Variants in DSCAML1 observed in about 807,000 individuals in gnomAD.
DSCAML1 encodes the protein cell adhesion molecule DSCAML1.
In DSCAML1, 38 loss-of-function variants were observed where a neutral mutation model predicts 200.5. The ratio of observed to expected loss-of-function variants is 0.19; its 90% CI spans 0.15 to 0.25. The LOEUF (loss-of-function observed/expected upper bound fraction) is 0.25, where lower values mean the gene tolerates loss of function less well. Among genes scored for constraint, DSCAML1 ranks in the 10% least tolerant of loss-of-function variants. The pLI, the probability that DSCAML1 is intolerant of heterozygous loss-of-function variation, is 1.00. For missense variants in DSCAML1, 2,223 were observed against 2,858.8 expected (o/e 0.78, Z 5.07); for synonymous variants, 1,215 against 1,165.0 (o/e 1.04, Z -0.87).
In DSCAML1 at chr11:117,450,674, C is replaced by G; in HGVS notation, c.3583G>C (p.Ala1195Pro). ...QTKEDVPGPP[A>P]GIKAVPSSAS... is the part of the protein sequence containing the mutation. ...GATGAAGGGACAGCTTTGATGCCAG[C>G]AGGGGGACCTGGAACTGAGCAGGGA... The change falls in exon 20 of 33, where the codon GCT becomes CCT. Residue 1195 changes from alanine (A) to proline (P), a missense_variant. Around this residue, in one of 7 missense-constraint regions of DSCAML1, gnomAD observed 438 missense variants for 629.7 expected, o/e 0.70. Transcript: ENST00000651296. 1 of 1,613,978 alleles carries G rather than the reference C, an allele frequency of 6.2e-7. No individual in the cohort carries two copies. Among genetic ancestry groups the G allele is most frequent in the Non-Finnish European group, 8.5e-7 (1 of 1,179,960 alleles).
chr11:117,512,643 T>TGTACACACACACAC lies in DSCAML1; in HGVS notation c.1783+3823_1783+3824insGTGTGTGTGTGTAC, dbSNP rs1555179270. ...GGGAAGGTGTGCATGCAAGCGTGTGTACACACACACACACACACACACACA... is the reference window on the plus strand; with the variant it reads ...GGGAAGGTGTGCATGCAAGCGTGTGTGTACACACACACACACACACACACACACACACACACACA... On this transcript the variant is annotated intron_variant, in intron 8 of 32. Coordinates refer to ENST00000651296, the MANE Select transcript of DSCAML1 (RefSeq NM_020693.4). 1.8e-4 allele frequency among the ~76,000 whole-genome samples: 22 copies of TGTACACACACACAC among 125,240 alleles called. 1 individual carries two copies. In the South Asian group the frequency reaches 3.4e-3, roughly 19 times the overall value. 82.2% of individuals were successfully genotyped at this position (125,240 alleles called of 152,430 possible).
At chr11:117,629,163 TGAA>T (rs201936497) in intron 3 of DSCAML1, among the ~76,000 whole-genome samples, 2,389 of 152,034 alleles carry the variant, frequency 0.016, 31 homozygotes, top group East Asian at 0.059. Flanking sequence ...AAAAAAAAGA[TGAA>T]GAAGCTCTAC....
At chr11:117,604,261 G>T (rs1475604637) in intron 3 of DSCAML1, among the ~76,000 whole-genome samples, 10 of 152,076 alleles carry the variant, frequency 6.6e-5, no homozygotes, top group African/African-American at 2.4e-4. Context: ...TGGACCAGGG[G>T]GTAGAGAGGT....
Position 117,480,327 on chromosome 11 carries a change from A to G in DSCAML1, c.2785+116T>C, listed in dbSNP as rs1164047204. 2.0e-6 allele frequency: 3 copies of G among 1,467,760 alleles called. No individual in the cohort carries two copies. Among genetic ancestry groups the G allele is most frequent in the Non-Finnish European group, 2.8e-6 (3 of 1,084,984 alleles). The allele number at this position is 1,467,760 out of a possible 1,614,324, so 90.9% of individuals were successfully genotyped here. A position where few individuals can be genotyped will look rare whatever the true frequency, so the allele number is the denominator to read the frequency against. On this transcript the variant is annotated intron_variant, in intron 14 of 32. Transcript: ENST00000651296. This position sits in a 1 kb window ranked among gnomAD's most constrained non-coding sequence, Gnocchi z 4.1. ...TGCACTGGTGGGTGCTTGTGTGTCTAGCTTGGATGGGCAGCCCTAAGGCTC... is the reference window on the plus strand; with the variant it reads ...TGCACTGGTGGGTGCTTGTGTGTCTGGCTTGGATGGGCAGCCCTAAGGCTC...
At chr11:117,750,538 C>T (rs2054590185) in intron 3 of DSCAML1, among the ~76,000 whole-genome samples, 1 of 152,174 alleles carries the variant, frequency 6.6e-6, no homozygotes, top group East Asian at 1.9e-4. Flanking sequence ...TGAAATGTCT[C>T]CCGGGCGTGT....
chr11:117,632,142 G>C, intron 3 of DSCAML1, among the ~76,000 whole-genome samples: 1 of 152,184 alleles, frequency 6.6e-6, no homozygotes, highest in South Asian at 2.1e-4. Flanking sequence ...ACTGGCCCCA[G>C]GTCATCACGG....
chr11:117,428,629 C>T lies in DSCAML1; in HGVS notation c.5861G>A (p.Gly1954Asp). The change falls in exon 33 of 33, where the codon GGC becomes GAC. Residue 1954 changes from glycine (G) to aspartate (D), a missense_variant. Coordinates refer to ENST00000651296, the MANE Select transcript of DSCAML1 (RefSeq NM_020693.4). ...AGCGGGGGCCCCTGGGTGGGGAAGGCCCAAGGACTTGCTGGCAGGGTCCAG... is the reference window on the plus strand; with the variant it reads ...AGCGGGGGCCCCTGGGTGGGGAAGGTCCAAGGACTTGCTGGCAGGGTCCAG... ...LTLDPASKSL[G>D]LPHPGAPAAA... is the part of the protein sequence containing the mutation. 3.1e-6 allele frequency: 5 copies of T among 1,610,374 alleles called. No homozygotes were observed. Among genetic ancestry groups the T allele is most frequent in the Middle Eastern group, 1.7e-4 (1 of 5,922 alleles).
intron 3 of DSCAML1, among the ~76,000 whole-genome samples, chr11:117,775,321 C>G (rs2055110983): frequency 6.6e-6 from 1 of 152,230 alleles, no homozygotes; most frequent in African/African-American, 2.4e-5. Context: ...CTGGCTGCGT[C>G]CATGGAGCAG....
intron 3 of DSCAML1, among the ~76,000 whole-genome samples, chr11:117,748,199 C>G (rs1351542436): frequency 6.6e-6 from 1 of 152,216 alleles, no homozygotes; most frequent in Non-Finnish European, 1.5e-5. Context: ...TGGTACTTAG[C>G]AGGCACTCAA....
chr11:117,522,755 C>T (rs1333150103), intron 5 of DSCAML1, among the ~76,000 whole-genome samples: 4 of 152,194 alleles, frequency 2.6e-5, no homozygotes, highest in African/African-American at 9.6e-5. Context: ...CCTCACTGCT[C>T]CTGTGTGGGC....
In DSCAML1 at chr11:117,521,174, C is replaced by T. The variant is rs372552793; in HGVS notation, c.1169G>A (p.Arg390His). The change falls in exon 6 of 33, where the codon CGC becomes CAC. Residue 390 changes from arginine to histidine, a missense_variant. Coordinates refer to ENST00000651296, the MANE Select transcript of DSCAML1 (RefSeq NM_020693.4). ...AAAGTCCTGGGCGGTCTGGGCCTTG[C>T]GGGTAGCGAAGCACTGGTAGGCCCC... The part of the protein sequence containing the change: ...HSGAYQCFAT[R>H]KAQTAQDFAI... 103 of 1,614,108 alleles carry T rather than the reference C, an allele frequency of 6.4e-5. 2 individuals are homozygous for T. In the African/African-American group the frequency reaches 1.1e-3, roughly 16 times the overall value.
intron 3 of DSCAML1, among the ~76,000 whole-genome samples, chr11:117,555,191 C>T (rs1197625615): frequency 1.3e-5 from 2 of 152,192 alleles, no homozygotes; most frequent in East Asian, 3.9e-4. Flanking sequence ...CCCATGGCCA[C>T]CTCTCTCATA....
intron 3 of DSCAML1, among the ~76,000 whole-genome samples, chr11:117,549,180 C>T (rs908794406): frequency 6.6e-6 from 1 of 152,216 alleles, no homozygotes; most frequent in Non-Finnish European, 1.5e-5. Flanking sequence ...CCAATGGCCT[C>T]CTCCTGCACA....
At chr11:117,598,276 T>C (rs1317830629) in intron 3 of DSCAML1, among the ~76,000 whole-genome samples, 6 of 152,244 alleles carry the variant, frequency 3.9e-5, no homozygotes, top group Admixed American at 3.3e-4. Context: ...TTGTACAAGA[T>C]AAAAATTAAA....
chr11:117,794,205 A>G (rs982755318), intron 1 of DSCAML1, among the ~76,000 whole-genome samples: 5 of 152,212 alleles, frequency 3.3e-5, no homozygotes, highest in Non-Finnish European at 7.3e-5. Context: ...TGGCTTTTAG[A>G]AAACAGGAAT....
intron 3 of DSCAML1, among the ~76,000 whole-genome samples, chr11:117,739,402 C>G (rs2054381333): frequency 6.6e-6 from 1 of 152,154 alleles, no homozygotes; most frequent in South Asian, 2.1e-4. Context: ...TTCACTAAGC[C>G]CCCCAGCCGA....
At chr11:117,539,592 G>A (rs1358175337) in intron 3 of DSCAML1, among the ~76,000 whole-genome samples, 1 of 50,100 alleles carries the variant, frequency 2.0e-5, no homozygotes, top group African/African-American at 9.6e-5. Flanking sequence ...TGGGCAACAA[G>A]AGTAAAACTC....
chr11:117,570,239 G>A (rs2137434863), intron 3 of DSCAML1, among the ~76,000 whole-genome samples: 1 of 152,194 alleles, frequency 6.6e-6, no homozygotes, highest in Middle Eastern at 3.4e-3. Context: ...CTCATGCCAA[G>A]GATGAACGCT....
Position 117,437,818 on chromosome 11 carries a change from C to A in DSCAML1, c.4432+77G>T. 2.8e-6 allele frequency: 4 copies of A among 1,410,050 alleles called. No individual in the cohort carries two copies. The highest frequency in any genetic ancestry group is 3.8e-6 in the Non-Finnish European group (4 of 1,061,532). The allele number at this position is 1,410,050 out of a possible 1,614,324, so 87.3% of individuals were successfully genotyped here. ...CTCCTTCCCCACCCCAGCCACCTTA[C>A]ACCCCATACCTGGCCCCTCTAGCCC... On this transcript the variant is annotated intron_variant, in intron 25 of 32. Coordinates refer to ENST00000651296, the MANE Select transcript of DSCAML1 (RefSeq NM_020693.4). This position sits in a 1 kb window ranked among gnomAD's most constrained non-coding sequence, Gnocchi z 5.3.
Sources: allele counts gnomAD v4.1 joint callset (sites outside exome capture counted in the v4.1 genomes callset), GRCh38; gene constraint gnomAD v4.1.1; regional missense constraint gnomAD v4.1.1; non-coding constraint Gnocchi (gnomAD v3.1); transcripts MANE v1.5; gene names NCBI Gene and HGNC (gene_info 2026-07-23, HGNC 2026-07-21).